The following RASEF variants were observed in gnomAD, a reference collection of about 807,000 sequenced individuals.
RASEF encodes ras and EF-hand domain-containing protein.
RASEF carries 68 observed loss-of-function variants against 90.1 expected under a neutral mutation model. The observed-to-expected ratio is 0.75, with a 90% confidence interval of 0.62 to 0.92. The LOEUF is 0.92. Ranked by LOEUF, RASEF falls within the 40% of genes least tolerant of loss-of-function variation. The probability of loss-of-function intolerance (pLI) is 0.00; values close to 1 mark genes in which losing one functional copy is unlikely to be tolerated. For missense variants in RASEF, 949 were observed against 937.2 expected, an observed-to-expected ratio of 1.01 and a Z score of -0.16; for synonymous variants, 331 against 345.2, an observed-to-expected ratio of 0.96 and a Z score of 0.46.
At chr9:83,188,702 C>T in the RASEF span, among the ~76,000 whole-genome samples, 2 of 152,188 alleles carry the variant, frequency 1.3e-5, no homozygotes, top group African/African-American at 4.8e-5. Flanking sequence ...TCCTCCCTTC[C>T]ACCTACCGCA....
chr9:83,009,031 T>C (rs1172367006), intron 6 of RASEF, among the ~76,000 whole-genome samples: 2 of 149,024 alleles, frequency 1.3e-5, no homozygotes, highest in Non-Finnish European at 3.0e-5. Flanking sequence ...TAAACGATAA[T>C]ATTTCACTGT....
At chr9:83,190,367 G>A in the RASEF span, among the ~76,000 whole-genome samples, 5 of 152,034 alleles carry the variant, frequency 3.3e-5, no homozygotes, top group African/African-American at 1.2e-4. Flanking sequence ...AATCATAAAA[G>A]AGACCTATGA....
chr9:83,048,788 C>T (rs1382624285), intron 1 of RASEF: 14 of 970,572 alleles, frequency 1.4e-5, no homozygotes, highest in Admixed American at 6.2e-5. Context: ...GATTTCAAGT[C>T]CCATTAGAAT....
chr9:83,072,220 A>G, the RASEF span, among the ~76,000 whole-genome samples: 1 of 152,084 alleles, frequency 6.6e-6, no homozygotes, highest in Non-Finnish European at 1.5e-5. Flanking sequence ...TTCCCTTCTA[A>G]GTATCCCACA....
chr9:83,023,101 A>G (rs1450411831), intron 2 of RASEF, among the ~76,000 whole-genome samples: 2 of 152,184 alleles, frequency 1.3e-5, no homozygotes, highest in East Asian at 3.8e-4. Context: ...ACAACCCTGG[A>G]TTAAAAAAAG....
chr9:83,058,845 C>T (rs997571693), intron 1 of RASEF, among the ~76,000 whole-genome samples: 4 of 152,116 alleles, frequency 2.6e-5, no homozygotes, highest in African/African-American at 9.7e-5. Flanking sequence ...TTTTAAATTA[C>T]CAAATAAAAG....
the RASEF span, among the ~76,000 whole-genome samples, chr9:83,073,449 C>T: frequency 6.6e-6 from 1 of 152,098 alleles, no homozygotes; most frequent in Non-Finnish European, 1.5e-5. Context: ...TCTTACTTCC[C>T]TCAACCTTCC....
the RASEF span, among the ~76,000 whole-genome samples, chr9:83,130,024 C>T: frequency 1.3e-5 from 2 of 152,154 alleles, no homozygotes; most frequent in Admixed American, 6.5e-5. Flanking sequence ...CACCAAATGC[C>T]TTGGTATATT....
intron 1 of RASEF, among the ~76,000 whole-genome samples, chr9:83,037,544 A>G (rs1471988585): frequency 6.6e-6 from 1 of 152,190 alleles, no homozygotes; most frequent in African/African-American, 2.4e-5. Context: ...AATTGGTGGC[A>G]CATATAACTG....
intron 3 of RASEF, among the ~76,000 whole-genome samples, chr9:83,021,810 G>T (rs1829449510): frequency 6.6e-6 from 1 of 152,180 alleles, no homozygotes; most frequent in Admixed American, 6.5e-5. Flanking sequence ...GCAGATTTTG[G>T]TATGCGGGGT....
At chr9:83,015,960 C>G in intron 3 of RASEF, 60 bp from the exon 4 acceptor site, 1 of 1,245,268 alleles carries the variant, frequency 8.0e-7, no homozygotes, top group Non-Finnish European at 1.2e-6. Context: ...ACCTTCAAAA[C>G]CCCACAGGTG....
intron 7 of RASEF, among the ~76,000 whole-genome samples, chr9:83,006,673 G>T (rs957835142): frequency 6.6e-6 from 1 of 151,918 alleles, no homozygotes; most frequent in Non-Finnish European, 1.5e-5. Context: ...TGACAGAGTG[G>T]GTATATTTCT....
At chr9:83,008,415 G>A (rs928442341) in intron 6 of RASEF, among the ~76,000 whole-genome samples, 3 of 151,630 alleles carry the variant, frequency 2.0e-5, no homozygotes, top group African/African-American at 7.3e-5. Context: ...CCTGTGGTCT[G>A]ACCACCTTTC....
At chr9:83,022,577 A>C (rs1431011205) in intron 2 of RASEF, 151 bp from the exon 3 acceptor site, 6 of 634,448 alleles carry the variant, frequency 9.5e-6, no homozygotes, top group Non-Finnish European at 1.7e-5. Context: ...CTACATAATA[A>C]AATGAGATTG....
At chr9:83,159,222 A>G in the RASEF span, among the ~76,000 whole-genome samples, 2 of 151,946 alleles carry the variant, frequency 1.3e-5, no homozygotes, top group African/African-American at 4.8e-5. Context: ...TATGCAAGGC[A>G]GAATATACTT....
chr9:83,113,070 T>C, the RASEF span, among the ~76,000 whole-genome samples: 1 of 152,192 alleles, frequency 6.6e-6, no homozygotes, highest in African/African-American at 2.4e-5. Context: ...AAAATATTGA[T>C]ATCATAACCT....
At chr9:83,007,284 G>A (rs780307241) in intron 7 of RASEF, among the ~76,000 whole-genome samples, 153 bp downstream of exon 7, 2 of 152,074 alleles carry the variant, frequency 1.3e-5, no homozygotes, top group Non-Finnish European at 2.9e-5. Context: ...AAGCTAAGAG[G>A]AGATGCCAAG....
chr9:83,000,840 G>T (rs1226188245), intron 10 of RASEF, 56 bp downstream of exon 10: 9 of 1,405,700 alleles, frequency 6.4e-6, no homozygotes, highest in African/African-American at 2.8e-5. Flanking sequence ...GGCAAATAAG[G>T]TGACAGATTT....
chr9:83,136,444 A>C, the RASEF span, among the ~76,000 whole-genome samples: 61 of 152,240 alleles, frequency 4.0e-4, no homozygotes, highest in African/African-American at 1.4e-3. Flanking sequence ...TGTACATATG[A>C]CCTATTTAAC....
Sources: gnomAD v4.1 joint callset for allele counts (sites outside exome capture counted in the v4.1 genomes callset) on GRCh38, gnomAD v4.1.1 for gene constraint, MANE v1.5 for transcripts, NCBI Gene and HGNC (gene_info 2026-07-23, HGNC 2026-07-21) for gene names.